ZNF90: variants seen among roughly 807,000 people sequenced by gnomAD.
The protein encoded by ZNF90 is zinc finger protein 90, also known as zinc finger protein HTF9.
ZNF90 carries 11 observed loss-of-function variants against 12.0 expected under a neutral mutation model. The observed-to-expected ratio is 0.92, with a 90% CI of 0.58 to 1.52. The LOEUF (loss-of-function observed/expected upper bound fraction) is 1.52. Among genes scored for constraint, ZNF90 ranks in the 40% most tolerant of loss-of-function variants. The pLI is 0.00. For missense variants in ZNF90, 765 were observed against 711.5 expected (o/e 1.08, Z -0.86); for synonymous variants, 232 against 240.1 (o/e 0.97, Z 0.31).
At chr19:20,104,493 C>T in intron 2 of ZNF90, 128 bp downstream of exon 2, 1 of 1,127,618 alleles carries the variant, frequency 8.9e-7, no homozygotes, top group Non-Finnish European at 1.2e-6. Context: ...TCCTGAAAAT[C>T]TTCAGAATTT....
At chr19:20,078,393 T>A (rs1483005850) in intron 1 of ZNF90, among the ~76,000 whole-genome samples, 1 of 151,630 alleles carries the variant, frequency 6.6e-6, no homozygotes, top group Non-Finnish European at 1.5e-5. Flanking sequence ...GCGCTGCGTC[T>A]CTCCCAGATT....
intron 1 of ZNF90, among the ~76,000 whole-genome samples, chr19:20,080,963 C>T (rs1008576541): frequency 3.3e-5 from 5 of 152,164 alleles, no homozygotes; most frequent in African/African-American, 1.2e-4. Flanking sequence ...GGAGGCTCTC[C>T]TGTACACAGG....
rs2089187437 is a variant in ZNF90 at position 20,120,670 on chromosome 19, GA to G, written c.*1311del. Among the ~76,000 whole-genome samples the G allele has an allele frequency of 1.3e-5, 2 of 152,090 alleles. No individual in the cohort carries two copies. Among genetic ancestry groups the G allele is most frequent in the African/African-American group, 2.4e-5 (1 of 41,414 alleles). On this transcript the variant is annotated 3_prime_UTR_variant, in exon 4 of 4. Coordinates refer to ENST00000418063, the MANE Select transcript of ZNF90 (RefSeq NM_007138.2). ...AGTAGAATAAGGCACTGATACTTCA[GA>G]CATTACACTAAAACAGTGTTGAGTA...
At chr19:20,109,769 A>G (rs2089070796) in intron 3 of ZNF90, among the ~76,000 whole-genome samples, 1 of 151,858 alleles carries the variant, frequency 6.6e-6, no homozygotes, top group Non-Finnish European at 1.5e-5. Flanking sequence ...TCCCAGCTAC[A>G]TGGGAGATTG....
intron 3 of ZNF90, among the ~76,000 whole-genome samples, chr19:20,106,044 C>CATTTTTTTTTTTTTTTTTTTTTTTTT (rs1555704366): frequency 2.8e-5 from 2 of 71,040 alleles, no homozygotes; most frequent in African/African-American, 1.1e-4. Flanking sequence ...CTAATTTTTT[C>CATTTTTTTTTTTTTTTTTTTTTTTTT]TTTTTTTTTT....
chr19:20,112,157 G>A (rs1046318996), intron 3 of ZNF90, among the ~76,000 whole-genome samples: 1 of 150,230 alleles, frequency 6.7e-6, no homozygotes, highest in Non-Finnish European at 1.5e-5. Context: ...GTGCCCAGTC[G>A]ATTTATTCAG....
chr19:20,107,014 G>A (rs1223347127), intron 3 of ZNF90: 1 of 454,420 alleles, frequency 2.2e-6, no homozygotes, highest in Non-Finnish European at 4.4e-6. Flanking sequence ...AGTCGGGTCT[G>A]CATATGGTGG....
intron 1 of ZNF90, among the ~76,000 whole-genome samples, chr19:20,103,287 A>G (rs1189205684): frequency 6.6e-6 from 1 of 152,214 alleles, no homozygotes; most frequent in East Asian, 1.9e-4. Flanking sequence ...CTGTTCTGCT[A>G]CTTGAGATAA....
chr19:20,080,744 G>A (rs1343120836), intron 1 of ZNF90, among the ~76,000 whole-genome samples: 1 of 152,188 alleles, frequency 6.6e-6, no homozygotes, highest in Admixed American at 6.5e-5. Flanking sequence ...CATGGGGTTT[G>A]TGACTGGCAT....
chr19:20,086,232 C>CTTTTTTT (rs59433953), intron 1 of ZNF90, among the ~76,000 whole-genome samples: 29 of 99,794 alleles, frequency 2.9e-4, no homozygotes, highest in African/African-American at 3.5e-4. Flanking sequence ...ATTTTCTTTT[C>CTTTTTTT]TTTTTTTTTT....
chr19:20,110,536 T>G (rs976424098), intron 3 of ZNF90, among the ~76,000 whole-genome samples: 9 of 152,142 alleles, frequency 5.9e-5, no homozygotes, highest in Non-Finnish European at 1.2e-4. Context: ...AGTTGCTAGA[T>G]TTACAGGCTT....
chr19:20,105,642 A>G (rs2089029912), intron 3 of ZNF90, among the ~76,000 whole-genome samples: 2 of 152,200 alleles, frequency 1.3e-5, no homozygotes, highest in South Asian at 2.1e-4. Flanking sequence ...AAATATCTGC[A>G]TGACTTTGAG....
intron 3 of ZNF90, among the ~76,000 whole-genome samples, chr19:20,110,444 G>T (rs1369283678): frequency 6.6e-6 from 1 of 151,856 alleles, no homozygotes; most frequent in African/African-American, 2.4e-5. Flanking sequence ...ATGCCTAGCT[G>T]ATTTTTTGTA....
At chr19:20,086,530 G>C (rs1161074271) in intron 1 of ZNF90, among the ~76,000 whole-genome samples, 1 of 151,838 alleles carries the variant, frequency 6.6e-6, no homozygotes, top group Admixed American at 6.6e-5. Flanking sequence ...GCCATAAACA[G>C]TATTTTCTAC....
Position 20,118,919 on chromosome 19 carries a change from T to C in ZNF90, c.1365T>C (p.Cys455=). ...IIHSGEKPYK[C]EECGKAFKRS... is the part of the protein sequence containing the mutation. ...ATAGTGGAGAGAAACCCTACAAATG[T>C]GAAGAATGTGGCAAAGCCTTCAAGC... Residue 455 remains cysteine (C), a synonymous_variant, in exon 4 of 4, where the codon TGT becomes TGC. Coordinates refer to ENST00000418063, the MANE Select transcript of ZNF90 (RefSeq NM_007138.2). The C allele has an allele frequency of 6.2e-7, 1 of 1,613,480 alleles. No individual in the cohort carries two copies. Among genetic ancestry groups the C allele is most frequent in the Non-Finnish European group, 8.5e-7 (1 of 1,179,728 alleles).
intron 1 of ZNF90, among the ~76,000 whole-genome samples, chr19:20,080,828 C>A (rs1260481692): frequency 6.6e-6 from 1 of 152,118 alleles, no homozygotes; most frequent in African/African-American, 2.4e-5. Context: ...TGTCAGATTT[C>A]AAATGTTAGA....
intron 3 of ZNF90, among the ~76,000 whole-genome samples, chr19:20,113,697 G>C (rs1398909357): frequency 1.3e-5 from 2 of 151,894 alleles, no homozygotes; most frequent in Non-Finnish European, 2.9e-5. Context: ...GCGTGTTGGC[G>C]GGCGCTTATA....
At chr19:20,079,939 T>TC in intron 1 of ZNF90, 1 of 258,238 alleles carries the variant, frequency 3.9e-6, no homozygotes, top group Non-Finnish European at 7.6e-6. Context: ...TATTTCCTCT[T>TC]TTTTTTTTTT....
At chr19:20,112,232 G>GA (rs1403765130) in intron 3 of ZNF90, among the ~76,000 whole-genome samples, 3 of 131,480 alleles carry the variant, frequency 2.3e-5, no homozygotes, top group African/African-American at 1.1e-4. Flanking sequence ...TAATAATTTT[G>GA]ATTTTTTTTT....
Sources: gnomAD v4.1 joint callset for allele counts (sites outside exome capture counted in the v4.1 genomes callset) on GRCh38, gnomAD v4.1.1 for gene constraint, MANE v1.5 for transcripts, NCBI Gene and HGNC (gene_info 2026-07-23, HGNC 2026-07-21) for gene names.